Variants in EYA2 observed in about 807,000 individuals in gnomAD.
The protein encoded by EYA2 is protein phosphatase EYA2.
EYA2 carries 31 observed loss-of-function variants against 69.2 expected under a neutral mutation model. The ratio of observed to expected loss-of-function variants is 0.45; its 90% confidence interval spans 0.34 to 0.60. EYA2 has a LOEUF of 0.60. Ranked by LOEUF, EYA2 falls within the 20% of genes least tolerant of loss-of-function variation. The pLI is 0.02. For missense variants in EYA2, 622 were observed against 701.2 expected (o/e 0.89, Z 1.28); for synonymous variants, 257 against 279.4 (o/e 0.92, Z 0.80).
intron 7 of EYA2, among the ~76,000 whole-genome samples, chr20:47,086,666 C>T (rs2031902941): frequency 1.3e-5 from 2 of 152,116 alleles, no homozygotes; most frequent in Admixed American, 6.5e-5. Flanking sequence ...CCAGTCACCT[C>T]CTACCAGGCC....
chr20:47,026,398 C>G (rs1397496310), intron 5 of EYA2, among the ~76,000 whole-genome samples: 2 of 151,832 alleles, frequency 1.3e-5, no homozygotes, highest in Non-Finnish European at 2.9e-5. Context: ...AATCCAAAAT[C>G]CATAAATGAA....
Position 46,972,796 on chromosome 20 carries a change from G to A in EYA2, c.-10-17205G>A, listed in dbSNP as rs6066147. Reference sequence around the variant, plus strand: ...GTCACCACTGTACCAGGTTCCTGCCGGCTCTGCCTACCTCACAGTCTGGTT... The same window carrying A: ...GTCACCACTGTACCAGGTTCCTGCCAGCTCTGCCTACCTCACAGTCTGGTT... On this transcript the variant is annotated intron_variant, in intron 1 of 15. Coordinates refer to ENST00000327619, the MANE Select transcript of EYA2 (RefSeq NM_005244.5). Among the ~76,000 whole-genome samples, 1,411 of 152,288 alleles carry A rather than the reference G, an allele frequency of 9.3e-3. 8 individuals are homozygous for A. Among genetic ancestry groups the A allele is most frequent in the Middle Eastern group, 0.02 (6 of 294 alleles).
At chr20:47,056,095 G>T (rs1191756496) in intron 5 of EYA2, among the ~76,000 whole-genome samples, 1 of 152,194 alleles carries the variant, frequency 6.6e-6, no homozygotes, top group Non-Finnish European at 1.5e-5. Flanking sequence ...TATGCTTTAT[G>T]CTACCTGTGA....
chr20:47,129,780 A>G (rs573767078), intron 9 of EYA2, among the ~76,000 whole-genome samples: 20 of 152,294 alleles, frequency 1.3e-4, no homozygotes, highest in African/African-American at 4.8e-4. Flanking sequence ...CCTTGGAAAT[A>G]AGATAAATGA....
At chr20:47,183,118 C>T (rs1451368767) in intron 14 of EYA2, among the ~76,000 whole-genome samples, 173 bp from the exon 15 acceptor site, 2 of 152,120 alleles carry the variant, frequency 1.3e-5, no homozygotes, top group African/African-American at 4.8e-5. Flanking sequence ...TGTCATCATC[C>T]TTCATGTGGG....
In EYA2 at chr20:47,187,818, G is replaced by T. The variant is rs570570356; in HGVS notation, c.1537-235G>T. ...GGCGAGAGGGTCAAACAGCGAACACGCTGGGCAGTGCTGGATAAGCCCGTC... is the reference window on the plus strand; with the variant it reads ...GGCGAGAGGGTCAAACAGCGAACACTCTGGGCAGTGCTGGATAAGCCCGTC... On this transcript the variant is annotated intron_variant, in intron 15 of 15. Transcript: ENST00000327619. Among the ~76,000 whole-genome samples, 97 of 152,342 alleles carry T rather than the reference G, an allele frequency of 6.4e-4. 3 individuals carry two copies. In the South Asian group the frequency reaches 0.018, roughly 29 times the overall value.
intron 1 of EYA2, among the ~76,000 whole-genome samples, chr20:46,975,781 T>A (rs6063051): frequency 6.6e-6 from 1 of 151,984 alleles, no homozygotes; most frequent in African/African-American, 2.4e-5. Context: ...CGGGCGTGGT[T>A]CTGTGCACCT....
In EYA2 at chr20:47,074,341, TGCA is replaced by T. The variant is rs759901684; in HGVS notation, c.661+8_661+10del. 5 of 1,613,532 alleles carry T rather than the reference TGCA, an allele frequency of 3.1e-6. No homozygotes were observed. Among genetic ancestry groups the T allele is most frequent in the Non-Finnish European group, 4.2e-6 (5 of 1,179,594 alleles). On this transcript the variant is annotated splice_region_variant and intron_variant, in intron 7 of 15. Coordinates refer to ENST00000327619, the MANE Select transcript of EYA2 (RefSeq NM_005244.5). The stretch of plus-strand genomic sequence containing the variant: ...GAGTTCCGAGTCACTTGCTGGTAGG[TGCA>T]GTCACTGGTGGGGCCATTCATGGCT...
chr20:47,171,717 C>T (rs1448670197), intron 11 of EYA2, among the ~76,000 whole-genome samples: 1 of 152,156 alleles, frequency 6.6e-6, no homozygotes, highest in Non-Finnish European at 1.5e-5. Context: ...TTCCTGCCCT[C>T]CCCAAGGGCC....
At chr20:46,996,555 A>C (rs1982031574) in intron 2 of EYA2, among the ~76,000 whole-genome samples, 1 of 151,990 alleles carries the variant, frequency 6.6e-6, no homozygotes, top group Non-Finnish European at 1.5e-5. Context: ...CTTCCTTTGC[A>C]CCTCGTTATA....
chr20:47,071,608 A>G (rs4809622), intron 5 of EYA2, among the ~76,000 whole-genome samples: 34,574 of 152,070 alleles, frequency 0.23, 4,029 homozygotes, highest in South Asian at 0.28. Flanking sequence ...TTTTAAAAAC[A>G]TAATTATTAA....
intron 1 of EYA2, among the ~76,000 whole-genome samples, chr20:46,979,192 C>A (rs561976675): frequency 6.6e-6 from 1 of 152,222 alleles, no homozygotes; most frequent in Non-Finnish European, 1.5e-5. Flanking sequence ...GCGGCCCACC[C>A]GCCTGGGACC....
At chr20:47,099,603 G>A (rs2032365892) in intron 9 of EYA2, among the ~76,000 whole-genome samples, 1 of 152,198 alleles carries the variant, frequency 6.6e-6, no homozygotes, top group Admixed American at 6.5e-5. Context: ...ATATGTACAG[G>A]AATGGTGACA....
intron 1 of EYA2, among the ~76,000 whole-genome samples, chr20:46,895,277 G>C (rs1348192497): frequency 6.6e-6 from 1 of 152,200 alleles, no homozygotes; most frequent in Non-Finnish European, 1.5e-5. Context: ...TCCCGCGCGC[G>C]GGACAAGTGC....
chr20:46,896,106 A>G lies in EYA2; in HGVS notation c.-11+1119A>G, dbSNP rs977662671. Among the ~76,000 whole-genome samples the G allele has an allele frequency of 4.6e-5, 7 of 152,200 alleles. No individual in the cohort carries two copies. The East Asian group carries it at 7.7e-4, about 17-fold the overall frequency. ...GAGGTACCTTTTAATTACGAGGTGC[A>G]GTGGAAGAGCTGAACATTGGAATCT... On this transcript the variant is annotated intron_variant, in intron 1 of 15. Transcript: ENST00000327619.
intron 9 of EYA2, among the ~76,000 whole-genome samples, chr20:47,127,874 T>C (rs750278593): frequency 2.6e-5 from 4 of 152,238 alleles, no homozygotes; most frequent in Non-Finnish European, 5.9e-5. Context: ...GCAAGACCCT[T>C]GACAAGAGCG....
intron 1 of EYA2, among the ~76,000 whole-genome samples, chr20:46,941,857 C>G (rs375063970): frequency 1.3e-5 from 2 of 151,734 alleles, no homozygotes; most frequent in East Asian, 3.9e-4. Context: ...CTCCTGGGCT[C>G]AAGGAACTCT....
chr20:46,895,264 C>T (rs1052724512), intron 1 of EYA2, among the ~76,000 whole-genome samples: 6 of 152,164 alleles, frequency 3.9e-5, no homozygotes, highest in Admixed American at 3.9e-4. Context: ...CTGAAGTTTG[C>T]TCTCCCGCGC....
chr20:47,135,528 A>G (rs1375655061), intron 9 of EYA2, among the ~76,000 whole-genome samples: 1 of 151,882 alleles, frequency 6.6e-6, no homozygotes, highest in Non-Finnish European at 1.5e-5. Flanking sequence ...GAAGGAACTC[A>G]TATTTGAATT....
Sources: allele counts gnomAD v4.1 joint callset (sites outside exome capture counted in the v4.1 genomes callset), GRCh38; gene constraint gnomAD v4.1.1; transcripts MANE v1.5; gene names NCBI Gene and HGNC (gene_info 2026-07-23, HGNC 2026-07-21).